The following IL1RAPL2 variants were observed in gnomAD, a reference collection of about 807,000 sequenced individuals.
IL1RAPL2 encodes the protein X-linked interleukin-1 receptor accessory protein-like 2.
IL1RAPL2 carries 3 observed loss-of-function variants against 44.1 expected under a neutral mutation model. That is an observed-to-expected ratio of 0.07 (90% CI 0.03 to 0.18). IL1RAPL2 has a LOEUF of 0.18. Among genes scored for constraint, IL1RAPL2 ranks in the 10% least tolerant of loss-of-function variants. IL1RAPL2 has a pLI of 1.00. For missense variants in IL1RAPL2, 391 were observed against 496.4 expected (o/e 0.79, Z 2.02); for synonymous variants, 181 against 178.8 (o/e 1.01, Z -0.10).
chrX:105,415,998 A>T (rs1280360351), intron 5 of IL1RAPL2, among the ~76,000 whole-genome samples: 5 of 111,854 alleles, frequency 4.5e-5, no homozygotes, highest in Admixed American at 1.9e-4. Context: ...TATTTTAAAA[A>T]TAATACCCAG....
intron 3 of IL1RAPL2, among the ~76,000 whole-genome samples, chrX:105,206,920 G>T (rs1046648992): frequency 9.0e-6 from 1 of 111,480 alleles, no homozygotes; most frequent in Middle Eastern, 4.7e-3. Flanking sequence ...GACTCGTGAT[G>T]AATCAATTAG....
chrX:104,631,448 C>G (rs1312899098), intron 1 of IL1RAPL2, among the ~76,000 whole-genome samples: 1 of 111,521 alleles, frequency 9.0e-6, no homozygotes, highest in African/African-American at 3.3e-5. Flanking sequence ...AGTTTACAGT[C>G]CCACCAACAG....
At chrX:104,901,109 T>G (rs1027578076) in intron 2 of IL1RAPL2, among the ~76,000 whole-genome samples, 2 of 110,353 alleles carry the variant, frequency 1.8e-5, no homozygotes, top group African/African-American at 6.6e-5. Flanking sequence ...CATTCAATAT[T>G]AATATACCTC....
intron 5 of IL1RAPL2, among the ~76,000 whole-genome samples, chrX:105,272,825 T>G (rs1386687417): frequency 3.6e-5 from 4 of 112,279 alleles, no homozygotes; most frequent in Non-Finnish European, 7.5e-5. Flanking sequence ...TCATTTAGAT[T>G]ACATAGCTTG....
intron 6 of IL1RAPL2, among the ~76,000 whole-genome samples, chrX:105,688,934 C>A (rs932618571): frequency 9.0e-6 from 1 of 111,577 alleles, no homozygotes; most frequent in Non-Finnish European, 1.9e-5. Context: ...CTATAACAAT[C>A]TGATCTTTGA....
At chrX:104,966,483 C>CA (rs2030126358) in intron 2 of IL1RAPL2, among the ~76,000 whole-genome samples, 1 of 111,245 alleles carries the variant, frequency 9.0e-6, no homozygotes, top group Non-Finnish European at 1.9e-5. Flanking sequence ...AAAAAAGAAG[C>CA]ATACTAGGAA....
chrX:104,770,925 T>G (rs774648691), intron 2 of IL1RAPL2, among the ~76,000 whole-genome samples: 7 of 111,457 alleles, frequency 6.3e-5, no homozygotes, highest in Non-Finnish European at 1.1e-4. Context: ...CCAGTGGAGA[T>G]TCACTTATTT....
chrX:105,008,597 T>C (rs751624670), intron 2 of IL1RAPL2, among the ~76,000 whole-genome samples: 4 of 110,778 alleles, frequency 3.6e-5, no homozygotes, highest in Non-Finnish European at 5.7e-5. Context: ...ATACAAAAAT[T>C]AATTCAAGAT....
chrX:104,659,864 A>C (rs1192516930), intron 2 of IL1RAPL2, among the ~76,000 whole-genome samples: 2 of 112,136 alleles, frequency 1.8e-5, no homozygotes, highest in East Asian at 5.6e-4. Context: ...TTACTTTTCA[A>C]AGCAAAAAAT....
At chrX:105,392,164 TAAAA>T (rs1340116861) in intron 5 of IL1RAPL2, among the ~76,000 whole-genome samples, 1 of 107,860 alleles carries the variant, frequency 9.3e-6, no homozygotes, top group South Asian at 4.1e-4. Flanking sequence ...AATAAAAAAA[TAAAA>T]AATAAAAAAA....
At chrX:105,081,483 C>T (rs1207270110) in intron 2 of IL1RAPL2, among the ~76,000 whole-genome samples, 1 of 111,521 alleles carries the variant, frequency 9.0e-6, no homozygotes, top group Non-Finnish European at 1.9e-5. Flanking sequence ...TTTTCTGTTT[C>T]TTGCTTTACC....
At chrX:105,693,229 G>C (rs914188059) in intron 6 of IL1RAPL2, among the ~76,000 whole-genome samples, 2 of 112,096 alleles carry the variant, frequency 1.8e-5, no homozygotes, top group African/African-American at 6.5e-5. Flanking sequence ...TTAAGATAAG[G>C]ATCTTGATAT....
At chrX:104,827,866 T>A (rs1921498295) in intron 2 of IL1RAPL2, among the ~76,000 whole-genome samples, 1 of 111,778 alleles carries the variant, frequency 8.9e-6, no homozygotes, top group Non-Finnish European at 1.9e-5. Context: ...AAACTTTATT[T>A]CATTAAGTTG....
At chrX:104,632,817 T>C (rs1214194113) in intron 1 of IL1RAPL2, among the ~76,000 whole-genome samples, 1 of 109,434 alleles carries the variant, frequency 9.1e-6, no homozygotes, top group Admixed American at 9.9e-5. Context: ...CTTTTCCTAT[T>C]TGAATACCCT....
At chrX:105,503,295 T>G (rs2036408983) in intron 6 of IL1RAPL2, among the ~76,000 whole-genome samples, 1 of 111,555 alleles carries the variant, frequency 9.0e-6, no homozygotes, top group African/African-American at 3.3e-5. Context: ...GAGCAGAATT[T>G]TTGTGAATGC....
At chrX:105,214,099 G>C (rs1337081824) in intron 3 of IL1RAPL2, among the ~76,000 whole-genome samples, 2 of 103,439 alleles carry the variant, frequency 1.9e-5, no homozygotes, top group African/African-American at 3.6e-5. Flanking sequence ...CATGATGACA[G>C]GATCAAATTC....
chrX:104,599,072 G>T (rs1928822486), intron 1 of IL1RAPL2, among the ~76,000 whole-genome samples: 1 of 111,184 alleles, frequency 9.0e-6, no homozygotes, highest in Non-Finnish European at 1.9e-5. Flanking sequence ...ATAGAAATGG[G>T]GTGAAGTGGG....
At position 105,452,463 on chromosome X, in the gene IL1RAPL2, T is replaced by A. The variant is rs2036026120; in HGVS notation, c.698-31850T>A. Among the ~76,000 whole-genome samples the A allele has an allele frequency of 3.6e-5, 4 of 111,496 alleles. No homozygotes were observed. The Admixed American group carries it at 3.8e-4, about 11-fold the overall frequency. ...ACTGCCTATGGAAGCCATAGTGAAG[T>A]CATAGTAAAAACATGAATTTTCAGC... On this transcript the variant is annotated intron_variant, in intron 5 of 10. Transcript: ENST00000372582.
chrX:104,981,055 T>TTGTGTGTG lies in IL1RAPL2; in HGVS notation c.83-214392_83-214385dup, dbSNP rs199571900. 6.6e-3 allele frequency among the ~76,000 whole-genome samples: 644 copies of TTGTGTGTG among 97,373 alleles called. 9 individuals carry two copies. Among genetic ancestry groups the TTGTGTGTG allele is most frequent in the African/African-American group, 0.024 (601 of 25,439 alleles). The allele number at this position is 97,373 out of a possible 115,157, so 84.6% of individuals were successfully genotyped here. A position where few individuals can be genotyped will look rare whatever the true frequency, so the allele number is the denominator to read the frequency against. The stretch of plus-strand genomic sequence containing the variant: ...TCCTGGTTAGCTGTATTCCAAGGTA[T>TTGTGTGTG]TGTGTGTGTGTGTGTGTGTGTGTGT... On this transcript the variant is annotated intron_variant, in intron 2 of 10. Coordinates refer to ENST00000372582, the MANE Select transcript of IL1RAPL2 (RefSeq NM_017416.2).
Sources: allele counts gnomAD v4.1 joint callset (sites outside exome capture counted in the v4.1 genomes callset), GRCh38; gene constraint gnomAD v4.1.1; transcripts MANE v1.5; gene names NCBI Gene and HGNC (gene_info 2026-07-23, HGNC 2026-07-21).